The following ELN variants were observed in gnomAD, a reference collection of about 807,000 sequenced individuals.
ELN encodes the protein tropoelastin.
A neutral mutation model predicts 105.8 loss-of-function variants in ELN; 65 were observed. That is an observed-to-expected ratio of 0.61 (90% confidence interval 0.50 to 0.75). The LOEUF (loss-of-function observed/expected upper bound fraction) is 0.75. Ranked by LOEUF, ELN falls within the 30% of genes least tolerant of loss-of-function variation. ELN has a pLI of 0.00. For synonymous variants in ELN, 368 were observed against 389.2 expected, an observed-to-expected ratio of 0.95 and a Z score of 0.64; for missense variants, 882 against 969.4, an observed-to-expected ratio of 0.91 and a Z score of 1.20.
rs541115449 is a variant in ELN, at chr7:74,028,179, C to A, written c.-9C>A. The A allele has an allele frequency of 6.2e-7, 1 of 1,604,562 alleles. No homozygotes were observed. The highest frequency in any genetic ancestry group is 8.5e-7 in the Non-Finnish European group (1 of 1,175,324). ...GTGCGGAGAGCGGGCTGGGGCATTT[C>A]TCCCCGAGATGGCGGGTCTGACGGC... is the stretch of plus-strand genomic sequence containing the variant. On this transcript the variant is annotated 5_prime_UTR_variant, in exon 1 of 33. Coordinates refer to ENST00000252034, the MANE Select transcript of ELN (RefSeq NM_000501.4).
At chr7:74,042,548 G>T in intron 5 of ELN, 66 bp from the exon 6 acceptor site, 1 of 1,472,024 alleles carries the variant, frequency 6.8e-7, no homozygotes, top group Non-Finnish European at 9.4e-7. Context: ...AGCCAGGCAG[G>T]GCCAGAGCGT....
chr7:74,041,308 C>A (rs760464776), intron 5 of ELN, 57 bp downstream of exon 5: 34 of 1,605,322 alleles, frequency 2.1e-5, no homozygotes, highest in Middle Eastern at 1.7e-4. Flanking sequence ...CTGAGCTCAA[C>A]CCAGGGCTGG....
chr7:74,059,669 G>C lies in ELN; in HGVS notation c.1415-217G>C, dbSNP rs566815655. Reference sequence around the variant, plus strand: ...ATTGCACTCCAGCCTGGGCGATAGAGTGAGACTCTGTCTCCAAAAAAACAA... The same window carrying C: ...ATTGCACTCCAGCCTGGGCGATAGACTGAGACTCTGTCTCCAAAAAAACAA... On this transcript the variant is annotated intron_variant, in intron 22 of 32. Transcript: ENST00000252034. The C allele has an allele frequency of 1.7e-5, 11 of 629,790 alleles. No individual in the cohort carries two copies. The Admixed American group carries it at 2.0e-4, about 12-fold the overall frequency. 39.0% of individuals were successfully genotyped at this position (629,790 alleles called of 1,614,324 possible).
At chr7:74,049,807 T>C (rs1348772984) in intron 15 of ELN, among the ~76,000 whole-genome samples, 2 of 150,338 alleles carry the variant, frequency 1.3e-5, no homozygotes, top group East Asian at 2.0e-4. Context: ...CCTCCATGCA[T>C]CCATTCCTCC....
Position 74,063,104 on chromosome 7 carries a change from G to A in ELN, c.1787-49G>A. 1 of 1,565,962 alleles carries A rather than the reference G, an allele frequency of 6.4e-7. No individual in the cohort carries two copies. The highest frequency in any genetic ancestry group is 8.7e-7 in the Non-Finnish European group (1 of 1,154,322). On this transcript the variant is annotated intron_variant, in intron 26 of 32. Coordinates refer to ENST00000252034, the MANE Select transcript of ELN (RefSeq NM_000501.4). The surrounding 1 kb of genome is among the most constrained non-coding windows in gnomAD (Gnocchi z 4.1). The stretch of plus-strand genomic sequence containing the variant: ...TTGCCTTGTGTCCCTGGGGCAGGGA[G>A]ACCCATCGTTCAGAAATGGAACACT...
chr7:74,031,925 G>T (rs1295907530), intron 1 of ELN, among the ~76,000 whole-genome samples: 2 of 147,010 alleles, frequency 1.4e-5, no homozygotes, highest in Admixed American at 1.4e-4. Flanking sequence ...AAATGTTGGA[G>T]GACCTGTCTG....
intron 14 of ELN, 62 bp downstream of exon 14, chr7:74,048,263 C>T: frequency 4.3e-6 from 7 of 1,609,814 alleles, no homozygotes; most frequent in Non-Finnish European, 6.0e-6. Flanking sequence ...CTCCAGAGCC[C>T]TGGGGTGGGT....
rs117816525 is a variant in ELN, at chr7:74,061,120, C to T, written c.1767C>T (p.Ala589=). Residue 589 remains alanine (A), a synonymous_variant, in exon 26 of 33, where the codon GCC becomes GCT. Transcript: ENST00000252034. ...GFGAVPGALA[A]AKAAKYGAAV... is the part of the protein sequence containing the mutation. ...CCCCAGTACCTGGAGCCCTGGCTGCCGCTAAAGCAGCCAAATATGGTGAGT... is the reference window on the plus strand; with the variant it reads ...CCCCAGTACCTGGAGCCCTGGCTGCTGCTAAAGCAGCCAAATATGGTGAGT... 3.6e-5 allele frequency: 58 copies of T among 1,614,122 alleles called. No homozygotes were observed. In the East Asian group the frequency reaches 1.0e-3, roughly 28 times the overall value.
rs782760776 is a variant in ELN, at chr7:74,066,766, C to T, written c.2121C>T (p.Pro707=). Residue 707 remains proline, a synonymous_variant, in exon 32 of 33, where the codon CCC becomes CCT. Transcript: ENST00000252034. The part of the protein sequence containing the change: ...VAARPGFGLS[P]IFPGGACLGK... ...CAAGACCTGGCTTCGGATTGTCTCC[C>T]ATTTTCCCAGGTATGCCAGGCTCCC... 3 of 1,613,334 alleles carry T rather than the reference C, an allele frequency of 1.9e-6. No individual in the cohort carries two copies. The highest frequency in any genetic ancestry group is 2.5e-6 in the Non-Finnish European group (3 of 1,179,590).
intron 4 of ELN, 112 bp downstream of exon 4, chr7:74,037,851 G>A (rs986282041): frequency 4.0e-6 from 6 of 1,489,188 alleles, no homozygotes; most frequent in African/African-American, 1.4e-5. Flanking sequence ...GGAAGCCAAC[G>A]GGCAGGAGGA....
chr7:74,044,544 G>A (rs1033739351), intron 9 of ELN, among the ~76,000 whole-genome samples: 7 of 152,200 alleles, frequency 4.6e-5, no homozygotes, highest in African/African-American at 1.7e-4. Context: ...AAAGCTGTGA[G>A]TCACCAAGGG....
At position 74,069,124 on chromosome 7, in the gene ELN, C is replaced by G; in HGVS notation, c.*424C>G. 1 of 324,266 alleles carries G rather than the reference C, an allele frequency of 3.1e-6. No homozygotes were observed. The highest frequency in any genetic ancestry group is 5.9e-6 in the Non-Finnish European group (1 of 170,940). The allele number at this position is 324,266 out of a possible 1,614,324, so 20.1% of individuals were successfully genotyped here. A position where few individuals can be genotyped will look rare whatever the true frequency, so the allele number is the denominator to read the frequency against. On this transcript the variant is annotated 3_prime_UTR_variant, in exon 33 of 33. Coordinates refer to ENST00000252034, the MANE Select transcript of ELN (RefSeq NM_000501.4). ...ACACTTCCTGGGCAGTCCCAGCTCC[C>G]CCTGCCCACCAGGACCCACCGTTGG...
At chr7:74,049,068 TATCCATCC>T (rs57228775) in intron 15 of ELN, among the ~76,000 whole-genome samples, 3 of 133,110 alleles carry the variant, frequency 2.3e-5, no homozygotes, top group South Asian at 2.5e-4. Context: ...TCCATCCATC[TATCCATCC>T]ATCCATCCAT....
At chr7:74,066,900 A>G in intron 32 of ELN, 124 bp downstream of exon 32, 4 of 991,840 alleles carry the variant, frequency 4.0e-6, no homozygotes, top group Non-Finnish European at 6.2e-6. Context: ...CCACAGCCTC[A>G]GGTCACACGA....
At chr7:74,042,218 G>A (rs1451210467) in intron 5 of ELN, among the ~76,000 whole-genome samples, 3 of 148,834 alleles carry the variant, frequency 2.0e-5, no homozygotes, top group Admixed American at 6.7e-5. Context: ...CCAGGAGTTC[G>A]AGACCAGCCT....
At chr7:74,044,217 G>A (rs1791931522) in intron 9 of ELN, among the ~76,000 whole-genome samples, 1 of 152,030 alleles carries the variant, frequency 6.6e-6, no homozygotes, top group Non-Finnish European at 1.5e-5. Flanking sequence ...CAGCAGCCTG[G>A]GTGACAGAGC....
intron 14 of ELN, 63 bp downstream of exon 14, chr7:74,048,264 T>A: frequency 6.2e-7 from 1 of 1,609,060 alleles, no homozygotes; most frequent in East Asian, 2.2e-5. Context: ...TCCAGAGCCC[T>A]GGGGTGGGTG....
chr7:74,056,137 C>T, intron 19 of ELN, 134 bp from the exon 20 acceptor site: 1 of 1,202,422 alleles, frequency 8.3e-7, no homozygotes, highest in Non-Finnish European at 1.2e-6. Flanking sequence ...ACCCAGGCAT[C>T]CCAGTTTTCT....
At position 74,059,988 on chromosome 7, in the gene ELN, G is replaced by T; in HGVS notation, c.1517G>T (p.Gly506Val). The change falls in exon 23 of 33, where the codon GGA becomes GTA. Residue 506 changes from glycine (G) to valine (V), a missense_variant. Physicochemically the swap from Gly to Val is moderately radical, Grantham distance 109 (BLOSUM62 -3). Transcript: ENST00000252034. ...GCTCCTGGAGTTGGCGTGGCTCCTG[G>T]AGTTGGTGTGGCTCCTGGCGTTGGC... ...GLAPGVGVAP[G>V]VGVAPGVGVA... 2 of 1,613,978 alleles carry T rather than the reference G, an allele frequency of 1.2e-6. No individual in the cohort carries two copies. The highest frequency in any genetic ancestry group is 1.1e-5 in the South Asian group (1 of 91,074).
Sources: allele counts gnomAD v4.1 joint callset (sites outside exome capture counted in the v4.1 genomes callset), GRCh38; gene constraint gnomAD v4.1.1; non-coding constraint Gnocchi (gnomAD v3.1); transcripts MANE v1.5; gene names NCBI Gene and HGNC (gene_info 2026-07-23, HGNC 2026-07-21).